The following BNC2 variants were observed in gnomAD, a reference collection of about 807,000 sequenced individuals.
BNC2 encodes zinc finger protein basonuclin-2.
A neutral mutation model predicts 76.3 loss-of-function variants in BNC2; 20 were observed. That is an observed-to-expected ratio of 0.26 (90% confidence interval 0.18 to 0.38). The LOEUF is 0.38. Among genes scored for constraint, BNC2 ranks in the 10% least tolerant of loss-of-function variants. The pLI is 1.00. For synonymous variants in BNC2, 582 were observed against 514.8 expected (o/e 1.13, Z -1.77); for missense variants, 1,382 against 1,399.8 (o/e 0.99, Z 0.20).
intron 5 of BNC2, among the ~76,000 whole-genome samples, chr9:16,479,611 T>C (rs1288429709): frequency 6.6e-6 from 1 of 152,222 alleles, no homozygotes; most frequent in Non-Finnish European, 1.5e-5. Context: ...GTAAGAGTCT[T>C]TTTTATGTAT....
chr9:16,844,146 T>C (rs1434159213), intron 1 of BNC2, among the ~76,000 whole-genome samples: 1 of 150,322 alleles, frequency 6.7e-6, no homozygotes, highest in African/African-American at 2.4e-5. Context: ...TCTCATAAGT[T>C]TTTTTTTTTA....
chr9:16,746,927 A>C (rs918731997), intron 1 of BNC2, among the ~76,000 whole-genome samples: 2 of 150,418 alleles, frequency 1.3e-5, no homozygotes, highest in African/African-American at 4.9e-5. Flanking sequence ...GCACCACTGC[A>C]CTCCAGCCTG....
chr9:16,821,028 T>A (rs1317151410), intron 1 of BNC2, among the ~76,000 whole-genome samples: 1 of 151,848 alleles, frequency 6.6e-6, no homozygotes, highest in Non-Finnish European at 1.5e-5. Context: ...AGGCCAGGAA[T>A]TCGAGACCAG....
intron 5 of BNC2, among the ~76,000 whole-genome samples, chr9:16,461,049 AC>A (rs977544271): frequency 2.0e-5 from 3 of 152,136 alleles, no homozygotes; most frequent in African/African-American, 7.2e-5. Context: ...ATTTTTAATT[AC>A]ATCAATATTC....
chr9:16,620,819 T>G (rs1232549003), intron 3 of BNC2, among the ~76,000 whole-genome samples: 1 of 152,164 alleles, frequency 6.6e-6, no homozygotes, highest in East Asian at 1.9e-4. Context: ...TTGAGCAGGA[T>G]TACAGTAAGA....
intron 4 of BNC2, among the ~76,000 whole-genome samples, chr9:16,563,447 T>C (rs1220822582): frequency 6.6e-6 from 1 of 151,868 alleles, no homozygotes; most frequent in African/African-American, 2.4e-5. Flanking sequence ...AGCGAAACCC[T>C]GTATCTACCA....
chr9:16,562,934 G>C (rs1819057270), intron 4 of BNC2, among the ~76,000 whole-genome samples: 1 of 152,092 alleles, frequency 6.6e-6, no homozygotes, highest in African/African-American at 2.4e-5. Flanking sequence ...AATTTTACTA[G>C]CACCACATTT....
chr9:16,475,407 T>C (rs766846192), intron 5 of BNC2, among the ~76,000 whole-genome samples: 3 of 152,172 alleles, frequency 2.0e-5, no homozygotes, highest in Non-Finnish European at 2.9e-5. Flanking sequence ...GCTAATGGGC[T>C]CTCTACTTAA....
chr9:16,435,073 G>C (rs1254219984), intron 6 of BNC2: 2 of 471,338 alleles, frequency 4.2e-6, no homozygotes, highest in Admixed American at 4.7e-5. Context: ...TGGACCTATG[G>C]TTCTTTCCAT....
At chr9:16,869,177 C>T (rs886418514) in intron 1 of BNC2, among the ~76,000 whole-genome samples, 3 of 151,952 alleles carry the variant, frequency 2.0e-5, no homozygotes, top group Admixed American at 6.6e-5. Context: ...TGATGTCTCA[C>T]TTAAACACGG....
chr9:16,602,391 A>G (rs1820266038), intron 3 of BNC2, among the ~76,000 whole-genome samples: 1 of 152,218 alleles, frequency 6.6e-6, no homozygotes, highest in South Asian at 2.1e-4. Context: ...GGTAAGGTGA[A>G]AATACTTTCT....
In BNC2 at chr9:16,494,590, T is replaced by C. The variant is rs540060346; in HGVS notation, c.670-57066A>G. ...GAGTTCTGAGTCAAGGTCTGAGATG[T>C]GAAGGCAAAATTTTTCAGGGAAAAG... On this transcript the variant is annotated intron_variant, in intron 5 of 6. Coordinates refer to ENST00000380672, the MANE Select transcript of BNC2 (RefSeq NM_017637.6). Among the ~76,000 whole-genome samples, 4 of 152,212 alleles carry C rather than the reference T, an allele frequency of 2.6e-5. No homozygotes were observed. The South Asian group carries it at 8.3e-4, about 32-fold the overall frequency.
chr9:16,453,784 C>A (rs996260753), intron 5 of BNC2, among the ~76,000 whole-genome samples: 1 of 152,128 alleles, frequency 6.6e-6, no homozygotes, highest in Non-Finnish European at 1.5e-5. Flanking sequence ...GCCACTTTCC[C>A]GAGTGACAGA....
chr9:16,860,191 A>G (rs1819363147), intron 1 of BNC2, among the ~76,000 whole-genome samples: 1 of 152,230 alleles, frequency 6.6e-6, no homozygotes, highest in Non-Finnish European at 1.5e-5. Flanking sequence ...GCTTTTTAAA[A>G]AGTCAACTTC....
intron 3 of BNC2, among the ~76,000 whole-genome samples, chr9:16,667,101 ACACACACG>A (rs1451105406): frequency 1.4e-3 from 214 of 148,872 alleles, no homozygotes; most frequent in African/African-American, 5.1e-3. Flanking sequence ...ACACACACAC[ACACACACG>A]CACACACGCA....
At chr9:16,645,378 A>C (rs143562240) in intron 3 of BNC2, among the ~76,000 whole-genome samples, 11 of 152,340 alleles carry the variant, frequency 7.2e-5, no homozygotes, top group Admixed American at 1.3e-4. Context: ...CCCTTAAATG[A>C]AAAGAATTCA....
intron 5 of BNC2, among the ~76,000 whole-genome samples, chr9:16,493,759 C>T (rs1327754815): frequency 6.6e-6 from 1 of 152,192 alleles, no homozygotes; most frequent in African/African-American, 2.4e-5. Context: ...CTAAGGCAGT[C>T]CTTCTAGCAG....
chr9:16,463,717 A>T (rs960005501), intron 5 of BNC2, among the ~76,000 whole-genome samples: 1 of 152,094 alleles, frequency 6.6e-6, no homozygotes, highest in Non-Finnish European at 1.5e-5. Context: ...ATGATAGGAG[A>T]TTATTTTCTA....
intron 5 of BNC2, among the ~76,000 whole-genome samples, chr9:16,464,289 C>T (rs919340728): frequency 6.6e-6 from 1 of 152,014 alleles, no homozygotes; most frequent in African/African-American, 2.4e-5. Context: ...GGCACACAGG[C>T]CAATGTCTGG....
Sources: gnomAD v4.1 joint callset for allele counts (sites outside exome capture counted in the v4.1 genomes callset) on GRCh38, gnomAD v4.1.1 for gene constraint, MANE v1.5 for transcripts, NCBI Gene and HGNC (gene_info 2026-07-23, HGNC 2026-07-21) for gene names.